The following ANKS1B variants were observed in gnomAD, a reference collection of about 807,000 sequenced individuals.
ANKS1B encodes the protein ankyrin repeat and sterile alpha motif domain-containing protein 1B.
ANKS1B carries 36 observed loss-of-function variants against 148.3 expected under a neutral mutation model. The ratio of observed to expected loss-of-function variants is 0.24; its 90% confidence interval spans 0.19 to 0.32. ANKS1B has a LOEUF of 0.32. Among genes scored for constraint, ANKS1B ranks in the 10% least tolerant of loss-of-function variants. ANKS1B has a pLI of 1.00. For synonymous variants in ANKS1B, 542 were observed against 560.8 expected, an observed-to-expected ratio of 0.97 and a Z score of 0.47; for missense variants, 1,157 against 1,542.6, an observed-to-expected ratio of 0.75 and a Z score of 4.19.
intron 15 of ANKS1B, among the ~76,000 whole-genome samples, chr12:99,121,745 G>T (rs1203417897): frequency 6.6e-6 from 1 of 152,140 alleles, no homozygotes; most frequent in Non-Finnish European, 1.5e-5. Context: ...TGAATGAAAA[G>T]AATTATCCTT....
intron 10 of ANKS1B, among the ~76,000 whole-genome samples, chr12:99,498,213 A>G (rs1289074490): frequency 1.3e-5 from 2 of 152,136 alleles, no homozygotes; most frequent in African/African-American, 4.8e-5. Context: ...TCTATACTCT[A>G]TACTCCACAT....
chr12:99,103,380 T>C (rs951210270), intron 15 of ANKS1B, among the ~76,000 whole-genome samples: 1 of 152,192 alleles, frequency 6.6e-6, no homozygotes, highest in African/African-American at 2.4e-5. Flanking sequence ...TTACCCATCA[T>C]GAACTCCTTC....
At chr12:99,956,809 T>C (rs1418641200) in intron 1 of ANKS1B, among the ~76,000 whole-genome samples, 1 of 152,234 alleles carries the variant, frequency 6.6e-6, no homozygotes, top group Non-Finnish European at 1.5e-5. Context: ...AACTATATTA[T>C]GTTCATTCTC....
chr12:99,802,226 T>A (rs1286317141), intron 4 of ANKS1B, among the ~76,000 whole-genome samples: 2 of 152,206 alleles, frequency 1.3e-5, no homozygotes, highest in African/African-American at 4.8e-5. Context: ...AATAGTCACA[T>A]AAAGTCTAAT....
intron 17 of ANKS1B, among the ~76,000 whole-genome samples, chr12:98,871,853 T>C (rs978728280): frequency 6.6e-6 from 1 of 152,166 alleles, no homozygotes; most frequent in Non-Finnish European, 1.5e-5. Flanking sequence ...GAATGTGATG[T>C]AGCTTTCAAT....
intron 12 of ANKS1B, among the ~76,000 whole-genome samples, chr12:99,321,152 A>G (rs1033688815): frequency 6.6e-6 from 1 of 152,224 alleles, no homozygotes; most frequent in Non-Finnish European, 1.5e-5. Flanking sequence ...CTCAGGGGTC[A>G]GGGACCCACT....
Position 99,024,704 on chromosome 12 carries a change from G to A in ANKS1B, c.2778+28453C>T, listed in dbSNP as rs556891804. 3.9e-4 allele frequency among the ~76,000 whole-genome samples: 60 copies of A among 152,214 alleles called. 1 individual carries two copies. Among genetic ancestry groups the A allele is most frequent in the Non-Finnish European group, 6.2e-4 (42 of 68,024 alleles). Reference sequence around the variant, plus strand: ...AACCCTTTCTTGCTGTAAAGAGACCGCCCTTCCTGGCTCTAGCCAATTCTT... The same window carrying A: ...AACCCTTTCTTGCTGTAAAGAGACCACCCTTCCTGGCTCTAGCCAATTCTT... On this transcript the variant is annotated intron_variant, in intron 17 of 26. Coordinates refer to ENST00000683438, the MANE Select transcript of ANKS1B (RefSeq NM_001352186.2).
chr12:99,173,091 T>C (rs2077968762), intron 14 of ANKS1B, among the ~76,000 whole-genome samples: 2 of 152,182 alleles, frequency 1.3e-5, no homozygotes, highest in African/African-American at 4.8e-5. Context: ...AGTTTTTACA[T>C]CCATCACTCT....
intron 10 of ANKS1B, among the ~76,000 whole-genome samples, chr12:99,502,944 T>G (rs2096670070): frequency 6.6e-6 from 1 of 152,190 alleles, no homozygotes; most frequent in African/African-American, 2.4e-5. Flanking sequence ...TTTTATTTAC[T>G]TATTTATTTA....
chr12:99,958,974 T>C (rs895228301), intron 1 of ANKS1B, among the ~76,000 whole-genome samples: 9 of 151,870 alleles, frequency 5.9e-5, no homozygotes, highest in African/African-American at 2.2e-4. Flanking sequence ...ATGTCTAGCG[T>C]GCAGGAGAGA....
At chr12:99,013,025 CA>C (rs942230984) in intron 17 of ANKS1B, among the ~76,000 whole-genome samples, 4 of 152,088 alleles carry the variant, frequency 2.6e-5, no homozygotes, top group African/African-American at 9.7e-5. Context: ...CATGAGTGTG[CA>C]AACAAACTTA....
intron 10 of ANKS1B, among the ~76,000 whole-genome samples, chr12:99,483,806 T>C (rs2096449437): frequency 6.6e-6 from 1 of 152,026 alleles, no homozygotes; most frequent in Non-Finnish European, 1.5e-5. Flanking sequence ...CACAGTAGCA[T>C]CCAATGATCT....
At position 99,206,102 on chromosome 12, in the gene ANKS1B, C is replaced by T. The variant is rs115012569; in HGVS notation, c.2419+38240G>A. On this transcript the variant is annotated intron_variant, in intron 14 of 26. Coordinates refer to ENST00000683438, the MANE Select transcript of ANKS1B (RefSeq NM_001352186.2). ...AAGCTGCATGTAAAATAGGGTAGCA[C>T]CTATCAGCCTCTAGAAAATGTCCGT... 2.9e-3 allele frequency among the ~76,000 whole-genome samples: 441 copies of T among 152,248 alleles called. 1 individual carries two copies. Among genetic ancestry groups the T allele is most frequent in the African/African-American group, 9.9e-3 (413 of 41,532 alleles).
chr12:99,053,121 T>A, intron 17 of ANKS1B, 36 bp downstream of exon 17: 1 of 1,535,418 alleles, frequency 6.5e-7, no homozygotes, highest in Non-Finnish European at 8.8e-7. Flanking sequence ...TTATCAAGGG[T>A]TGAATAGTTA....
chr12:98,839,118 A>C (rs887605607), intron 17 of ANKS1B, among the ~76,000 whole-genome samples: 1 of 152,246 alleles, frequency 6.6e-6, no homozygotes, highest in Non-Finnish European at 1.5e-5. Context: ...GAAAGTCATG[A>C]CATTTGGTTC....
chr12:99,516,838 G>C lies in ANKS1B; in HGVS notation c.1273-12197C>G, dbSNP rs541123808. ...GAGTTCACTGTAGATGTGTGGATTT[G>C]TTTCTGTGTTCTCTATTCTATTCCA... On this transcript the variant is annotated intron_variant, in intron 9 of 26. Transcript: ENST00000683438. 5.3e-5 allele frequency among the ~76,000 whole-genome samples: 8 copies of C among 151,994 alleles called. No homozygotes were observed. In the South Asian group the frequency reaches 1.4e-3, roughly 28 times the overall value.
intron 14 of ANKS1B, among the ~76,000 whole-genome samples, chr12:99,220,008 A>T (rs772734070): frequency 6.6e-6 from 1 of 152,190 alleles, no homozygotes; most frequent in African/African-American, 2.4e-5. Flanking sequence ...ACACATTATT[A>T]TTACTTTTTG....
intron 12 of ANKS1B, among the ~76,000 whole-genome samples, chr12:99,336,016 C>T (rs2088784328): frequency 6.6e-6 from 1 of 152,106 alleles, no homozygotes; most frequent in African/African-American, 2.4e-5. Flanking sequence ...CACATCCTCG[C>T]TAGCATTCAC....
Position 99,213,881 on chromosome 12 carries a change from T to G in ANKS1B, c.2419+30461A>C, listed in dbSNP as rs530200122. Among the ~76,000 whole-genome samples, 204 of 152,290 alleles carry G rather than the reference T, an allele frequency of 1.3e-3. 3 individuals are homozygous for G. Among genetic ancestry groups the G allele is most frequent in the Admixed American group, 2.2e-3 (33 of 15,298 alleles). Reference sequence around the variant, plus strand: ...TAAGCAGGAGCAGGGGTAGGCTAGCTCTATGTAATTACAAAGCTCACCTAA... The same window carrying G: ...TAAGCAGGAGCAGGGGTAGGCTAGCGCTATGTAATTACAAAGCTCACCTAA... On this transcript the variant is annotated intron_variant, in intron 14 of 26. Coordinates refer to ENST00000683438, the MANE Select transcript of ANKS1B (RefSeq NM_001352186.2).
Sources: gnomAD v4.1 joint callset for allele counts (sites outside exome capture counted in the v4.1 genomes callset) on GRCh38, gnomAD v4.1.1 for gene constraint, MANE v1.5 for transcripts, NCBI Gene and HGNC (gene_info 2026-07-23, HGNC 2026-07-21) for gene names.